PCGF3: variants seen among roughly 807,000 people sequenced by gnomAD.
PCGF3 encodes the protein polycomb group RING finger protein 3.
Under a neutral mutation model 33.1 loss-of-function variants are expected in PCGF3, and 7 were observed. The observed-to-expected ratio is 0.21, with a 90% CI of 0.12 to 0.40. PCGF3 has a LOEUF of 0.40. Among genes scored for constraint, PCGF3 ranks in the 10% least tolerant of loss-of-function variants. The pLI, the probability that PCGF3 is intolerant of heterozygous loss-of-function variation, is 1.00. For synonymous variants in PCGF3, 153 were observed against 121.3 expected, an observed-to-expected ratio of 1.26 and a Z score of -1.72; for missense variants, 211 against 313.3, an observed-to-expected ratio of 0.67 and a Z score of 2.46.
At chr4:731,267 A>ACACAG (rs984347791) in intron 3 of PCGF3, 157 bp downstream of exon 3, 14 of 398,100 alleles carry the variant, frequency 3.5e-5, no homozygotes, top group Non-Finnish European at 6.2e-5. Flanking sequence ...CCCTCCTGTG[A>ACACAG]GAGTCCAAGG....
chr4:758,729 C>T (rs1375449306), intron 8 of PCGF3, among the ~76,000 whole-genome samples: 1 of 35,618 alleles, frequency 2.8e-5, no homozygotes, highest in South Asian at 1.8e-3. Context: ...GGGTCTTTCT[C>T]CCCTCGCGGC....
intron 1 of PCGF3, among the ~76,000 whole-genome samples, chr4:712,998 T>C (rs1742639152): frequency 6.9e-6 from 1 of 143,990 alleles, no homozygotes; most frequent in Admixed American, 6.8e-5. Context: ...GTGGGCCTCA[T>C]GGGGGCTGTA....
chr4:742,490 G>A (rs531812814), intron 6 of PCGF3, among the ~76,000 whole-genome samples: 17 of 152,338 alleles, frequency 1.1e-4, no homozygotes, highest in African/African-American at 2.9e-4. Flanking sequence ...TCTGGGTTGC[G>A]GTTTGAGCAG....
chr4:742,521 G>C (rs886707548), intron 6 of PCGF3, among the ~76,000 whole-genome samples: 1 of 152,232 alleles, frequency 6.6e-6, no homozygotes, highest in African/African-American at 2.4e-5. Flanking sequence ...ACCTTTCTTT[G>C]CTACCTACTG....
chr4:722,818 C>T (rs533030899), intron 1 of PCGF3, among the ~76,000 whole-genome samples: 30 of 62,124 alleles, frequency 4.8e-4, no homozygotes, highest in Non-Finnish European at 7.9e-4. Flanking sequence ...TCCACACTCG[C>T]GACATCGCCA....
intron 5 of PCGF3, among the ~76,000 whole-genome samples, chr4:736,917 G>T (rs1192531104): frequency 2.1e-5 from 1 of 48,398 alleles, no homozygotes; most frequent in African/African-American, 9.1e-5. Flanking sequence ...TCCCCTGAGC[G>T]CACGGGACGC....
At chr4:764,826 G>T in intron 9 of PCGF3, 158 bp from the exon 10 acceptor site, 2 of 604,846 alleles carry the variant, frequency 3.3e-6, no homozygotes, top group South Asian at 3.9e-5. Context: ...TGTGAGGTAG[G>T]GATGGAGGAA....
At chr4:753,047 C>G (rs887384991) in intron 8 of PCGF3, among the ~76,000 whole-genome samples, 17 of 152,256 alleles carry the variant, frequency 1.1e-4, no homozygotes, top group African/African-American at 4.1e-4. Flanking sequence ...GATCCCGGCC[C>G]TCACTGGAGG....
intron 8 of PCGF3, among the ~76,000 whole-genome samples, chr4:750,842 T>TG (rs1560212778): frequency 6.6e-6 from 1 of 151,930 alleles, no homozygotes; most frequent in Non-Finnish European, 1.5e-5. Context: ...GTGGATTCTT[T>TG]TTTTTTCTTT....
At chr4:709,608 C>T (rs1044284090) in intron 1 of PCGF3, among the ~76,000 whole-genome samples, 3 of 152,250 alleles carry the variant, frequency 2.0e-5, no homozygotes, top group South Asian at 2.1e-4. Context: ...TCAGAGACAT[C>T]CCCTCGGATT....
At chr4:712,911 T>C (rs35734242) in intron 1 of PCGF3, among the ~76,000 whole-genome samples, 59,524 of 152,192 alleles carry the variant, frequency 0.39, 12,097 homozygotes, top group South Asian at 0.51. Flanking sequence ...GTCTGCAGAC[T>C]TCCTTGAAAC....
intron 1 of PCGF3, among the ~76,000 whole-genome samples, chr4:727,709 G>A (rs1010124474): frequency 1.8e-4 from 27 of 151,834 alleles, no homozygotes; most frequent in African/African-American, 6.6e-4. Flanking sequence ...AGTTTGTCAA[G>A]AATGATTATC....
At chr4:737,824 T>C (rs934205358) in intron 6 of PCGF3, among the ~76,000 whole-genome samples, 1 of 152,232 alleles carries the variant, frequency 6.6e-6, no homozygotes, top group Non-Finnish European at 1.5e-5. Context: ...GCCTTCTTCC[T>C]GGGCCCCACC....
chr4:741,983 ATTAT>A (rs1744112748), intron 6 of PCGF3, among the ~76,000 whole-genome samples: 1 of 152,022 alleles, frequency 6.6e-6, no homozygotes, highest in African/African-American at 2.4e-5. Context: ...CTGGGATGTG[ATTAT>A]TTAAGGGAAA....
chr4:763,916 A>G (rs1292560105), intron 9 of PCGF3, among the ~76,000 whole-genome samples: 3 of 152,204 alleles, frequency 2.0e-5, no homozygotes, highest in Non-Finnish European at 4.4e-5. Context: ...CACATGGGAG[A>G]AACATCAAGT....
At chr4:709,622 C>T (rs868451226) in intron 1 of PCGF3, among the ~76,000 whole-genome samples, 1 of 152,264 alleles carries the variant, frequency 6.6e-6, no homozygotes, top group African/African-American at 2.4e-5. Context: ...TCGGATTAGG[C>T]GTGCGGGCTT....
In PCGF3 at chr4:720,534, C is replaced by T. The variant is rs1401836857; in HGVS notation, c.-189-10096C>T. 3.3e-5 allele frequency among the ~76,000 whole-genome samples: 5 copies of T among 152,144 alleles called. No homozygotes were observed. In the South Asian group the frequency reaches 6.2e-4, roughly 19 times the overall value. ...GGAGCCTTGTGCATGGCTGGGAGGA[C>T]GGCAAGGCTGATGTGGACGCAGCCC... On this transcript the variant is annotated intron_variant, in intron 1 of 10. Transcript: ENST00000362003. This position sits in a 1 kb window ranked among gnomAD's most constrained non-coding sequence, Gnocchi z 5.6.
At chr4:731,290 T>C (rs1219668814) in intron 3 of PCGF3, 180 bp downstream of exon 3, 2 of 398,506 alleles carry the variant, frequency 5.0e-6, no homozygotes, top group Admixed American at 8.8e-5. Context: ...CAGCCAGCTG[T>C]GGGGGTCCCA....
rs191415169 is a variant in PCGF3 at position 723,219 on chromosome 4, G to C, written c.-189-7411G>C. On this transcript the variant is annotated intron_variant, in intron 1 of 10. Coordinates refer to ENST00000362003, the Ensembl canonical transcript of PCGF3. Reference sequence around the variant, plus strand: ...GTGTCTGAAAAGTGTGGTGAGAGCTGTGTTCCCTGCGCATTTCTGAAGGCT... The same window carrying C: ...GTGTCTGAAAAGTGTGGTGAGAGCTCTGTTCCCTGCGCATTTCTGAAGGCT... 1.0e-3 allele frequency among the ~76,000 whole-genome samples: 154 copies of C among 152,388 alleles called. 1 individual carries two copies. Among genetic ancestry groups the C allele is most frequent in the Non-Finnish European group, 7.8e-4 (53 of 68,044 alleles).
Sources: gnomAD v4.1 joint callset for allele counts (sites outside exome capture counted in the v4.1 genomes callset) on GRCh38, gnomAD v4.1.1 for gene constraint, Gnocchi (gnomAD v3.1) non-coding constraint, MANE v1.5 for transcripts, NCBI Gene and HGNC (gene_info 2026-07-23, HGNC 2026-07-21) for gene names.